The following EDIL3 variants were observed in gnomAD, a reference collection of about 807,000 sequenced individuals.
EDIL3 encodes EGF-like repeat and discoidin I-like domain-containing protein 3.
A neutral mutation model predicts 67.4 loss-of-function variants in EDIL3; 37 were observed. The ratio of observed to expected loss-of-function variants is 0.55; its 90% CI spans 0.42 to 0.72. The LOEUF (loss-of-function observed/expected upper bound fraction) is 0.72, where lower values mean the gene tolerates loss of function less well. Ranked by LOEUF, EDIL3 falls within the 30% of genes least tolerant of loss-of-function variation. EDIL3 has a pLI of 0.00. For synonymous variants in EDIL3, 195 were observed against 196.3 expected (o/e 0.99, Z 0.05); for missense variants, 527 against 586.3 (o/e 0.90, Z 1.04).
chr5:84,083,981 G>A (rs1194607545), intron 6 of EDIL3, among the ~76,000 whole-genome samples: 1 of 152,050 alleles, frequency 6.6e-6, no homozygotes, highest in Non-Finnish European at 1.5e-5. Context: ...AGTAGGGGAA[G>A]AAGATGTGGA....
chr5:84,307,426 G>A (rs1746294474), intron 1 of EDIL3, among the ~76,000 whole-genome samples: 1 of 150,832 alleles, frequency 6.6e-6, no homozygotes, highest in Non-Finnish European at 1.5e-5. Flanking sequence ...GAAACAGAGA[G>A]GTCATTTGCA....
At chr5:83,948,609 A>G (rs954845951) in intron 10 of EDIL3, among the ~76,000 whole-genome samples, 6 of 151,692 alleles carry the variant, frequency 4.0e-5, no homozygotes, top group Non-Finnish European at 8.8e-5. Flanking sequence ...TTTTTTATTA[A>G]AAAGGAAAAA....
chr5:84,159,084 A>C (rs147000558), intron 4 of EDIL3, among the ~76,000 whole-genome samples: 1 of 152,218 alleles, frequency 6.6e-6, no homozygotes, highest in Non-Finnish European at 1.5e-5. Context: ...TTGCCAGTAC[A>C]TACACAACCA....
intron 6 of EDIL3, among the ~76,000 whole-genome samples, chr5:84,101,094 G>A (rs1254256181): frequency 2.0e-5 from 3 of 151,922 alleles, no homozygotes; most frequent in Non-Finnish European, 4.4e-5. Flanking sequence ...ATTGCTGATT[G>A]GACAACACTA....
intron 9 of EDIL3, among the ~76,000 whole-genome samples, chr5:84,053,850 T>A (rs1466369969): frequency 6.6e-6 from 1 of 152,114 alleles, no homozygotes; most frequent in Non-Finnish European, 1.5e-5. Flanking sequence ...CAGGACCAGA[T>A]GGATTCACAG....
intron 1 of EDIL3, among the ~76,000 whole-genome samples, chr5:84,368,260 G>A (rs1580105829): frequency 6.6e-6 from 1 of 152,100 alleles, no homozygotes; most frequent in Non-Finnish European, 1.5e-5. Flanking sequence ...GGTCTGACAC[G>A]AAGAGAGACA....
intron 1 of EDIL3, among the ~76,000 whole-genome samples, chr5:84,348,978 A>G (rs751673626): frequency 3.4e-4 from 51 of 152,164 alleles, no homozygotes; most frequent in Middle Eastern, 3.2e-3. Context: ...ATTCCTACTT[A>G]AGATACCTAA....
chr5:84,024,966 A>C (rs1054057640), intron 9 of EDIL3, among the ~76,000 whole-genome samples: 1 of 151,524 alleles, frequency 6.6e-6, no homozygotes, highest in Non-Finnish European at 1.5e-5. Context: ...AAGAAGAGCT[A>C]TCTCTCTCTC....
chr5:84,287,622 G>T (rs896276289), intron 1 of EDIL3, among the ~76,000 whole-genome samples: 2 of 152,220 alleles, frequency 1.3e-5, no homozygotes, highest in African/African-American at 4.8e-5. Flanking sequence ...GCACAGGCCT[G>T]CTTTTTACAA....
At chr5:84,080,314 A>AAAAAAAAAAAAAAT (rs1234107020) in intron 6 of EDIL3, among the ~76,000 whole-genome samples, 1 of 149,190 alleles carries the variant, frequency 6.7e-6, no homozygotes, top group African/African-American at 2.5e-5. Context: ...AAAAAAAAAA[A>AAAAAAAAAAAAAAT]AATTAACTCA....
chr5:84,136,095 G>A (rs1403601499), intron 5 of EDIL3, among the ~76,000 whole-genome samples: 2 of 152,098 alleles, frequency 1.3e-5, no homozygotes, highest in South Asian at 2.1e-4. Flanking sequence ...AAGAATGGAC[G>A]TGTCATGTAT....
At chr5:84,227,130 G>C (rs183260869) in intron 3 of EDIL3, among the ~76,000 whole-genome samples, 7 of 151,876 alleles carry the variant, frequency 4.6e-5, no homozygotes, top group Non-Finnish European at 1.0e-4. Context: ...CTGCTGTCAA[G>C]GATTGACACC....
At chr5:84,018,252 C>T (rs991380104) in intron 9 of EDIL3, among the ~76,000 whole-genome samples, 2 of 152,162 alleles carry the variant, frequency 1.3e-5, no homozygotes, top group Admixed American at 6.6e-5. Flanking sequence ...GATTCTCTTA[C>T]ATCTGATACT....
chr5:84,155,826 T>C (rs1748480797), intron 4 of EDIL3, among the ~76,000 whole-genome samples: 1 of 152,242 alleles, frequency 6.6e-6, no homozygotes, highest in African/African-American at 2.4e-5. Flanking sequence ...TCATACTTTC[T>C]TCCTCTTGCA....
intron 1 of EDIL3, among the ~76,000 whole-genome samples, chr5:84,265,206 C>A (rs767140848): frequency 4.6e-5 from 7 of 152,150 alleles, no homozygotes; most frequent in Non-Finnish European, 8.8e-5. Flanking sequence ...TTTAAGACAG[C>A]AGTAGAATGT....
chr5:84,037,584 A>C (rs1746043874), intron 9 of EDIL3, among the ~76,000 whole-genome samples: 1 of 152,226 alleles, frequency 6.6e-6, no homozygotes, highest in Admixed American at 6.5e-5. Flanking sequence ...TATTTTTTAA[A>C]AAAACAAAGA....
chr5:84,209,595 T>C (rs1744071190), intron 3 of EDIL3, among the ~76,000 whole-genome samples: 1 of 151,740 alleles, frequency 6.6e-6, no homozygotes, highest in Non-Finnish European at 1.5e-5. Flanking sequence ...TATGCCTATG[T>C]AGCTGCTAAA....
At chr5:84,151,237 T>C in intron 4 of EDIL3, among the ~76,000 whole-genome samples, 1 of 149,866 alleles carries the variant, frequency 6.7e-6, no homozygotes, top group Non-Finnish European at 1.5e-5. Flanking sequence ...GTCTGTAAAC[T>C]AAGAACTGCA....
chr5:84,222,518 T>C (rs1006950628), intron 3 of EDIL3, among the ~76,000 whole-genome samples: 1 of 151,856 alleles, frequency 6.6e-6, no homozygotes, highest in Admixed American at 6.6e-5. Flanking sequence ...GTGACCTCTA[T>C]CATCACTACC....
Sources: allele counts gnomAD v4.1 joint callset (sites outside exome capture counted in the v4.1 genomes callset), GRCh38; gene constraint gnomAD v4.1.1; transcripts MANE v1.5; gene names NCBI Gene and HGNC (gene_info 2026-07-23, HGNC 2026-07-21).